Variants in GNB5 observed in about 807,000 individuals in gnomAD.
GNB5 encodes G protein subunit beta 5, also known as guanine nucleotide-binding protein subunit beta-5.
Under a neutral mutation model 55.3 loss-of-function variants are expected in GNB5, and 37 were observed. The ratio of observed to expected loss-of-function variants is 0.67; its 90% CI spans 0.51 to 0.88. The LOEUF (loss-of-function observed/expected upper bound fraction) is 0.88, where lower values mean the gene tolerates loss of function less well. GNB5 is among the 40% of genes least tolerant of loss of function. The pLI, the probability that GNB5 is intolerant of heterozygous loss-of-function variation, is 0.00. For synonymous variants in GNB5, 219 were observed against 198.5 expected (o/e 1.10, Z -0.87); for missense variants, 476 against 515.3 (o/e 0.92, Z 0.74).
intron 6 of GNB5, chr15:52,144,287 T>A (rs2033923051): frequency 6.6e-6 from 1 of 152,258 alleles, no homozygotes; most frequent in South Asian, 2.1e-4. Flanking sequence ...GTTATCATAT[T>A]CACTACACAT....
In GNB5 at chr15:52,121,551, A is replaced by T. The variant is rs1000680855; in HGVS notation, c.*1206T>A. The stretch of plus-strand genomic sequence containing the variant: ...GTAAGAGGAGCAGACGTTATTATTC[A>T]TGACTATCAATCAATCTGCATATGT... On this transcript the variant is annotated 3_prime_UTR_variant, in exon 13 of 13. Coordinates refer to ENST00000261837, the MANE Select transcript of GNB5 (RefSeq NM_016194.4). 1.3e-5 allele frequency: 2 copies of T among 152,146 alleles called. No homozygotes were observed. Among genetic ancestry groups the T allele is most frequent in the African/African-American group, 4.8e-5 (2 of 41,430 alleles). 9.4% of individuals were successfully genotyped at this position (152,146 alleles called of 1,614,324 possible). A position where few individuals can be genotyped will look rare whatever the true frequency, so the allele number is the denominator to read the frequency against.
chr15:52,137,928 C>A (rs146845755), intron 7 of GNB5: 2 of 1,287,008 alleles, frequency 1.6e-6, no homozygotes, highest in South Asian at 1.2e-5. Flanking sequence ...GAGCCCTTTG[C>A]GGATGATTAC....
chr15:52,146,468 T>C (rs2033978770), intron 6 of GNB5, among the ~76,000 whole-genome samples: 1 of 152,222 alleles, frequency 6.6e-6, no homozygotes, highest in African/African-American at 2.4e-5. Flanking sequence ...TTGAGAATTT[T>C]CCTTTTTAAT....
intron 3 of GNB5, among the ~76,000 whole-genome samples, chr15:52,169,161 T>C (rs2034505883): frequency 6.6e-6 from 1 of 151,932 alleles, no homozygotes. Context: ...CCGTCTCTAC[T>C]AAAAATACAA....
chr15:52,137,659 T>C (rs767490356), intron 7 of GNB5: 2 of 1,163,690 alleles, frequency 1.7e-6, no homozygotes, highest in Non-Finnish European at 2.2e-6. Flanking sequence ...TTTTTGTCAC[T>C]GCCAGTGTGT....
intron 3 of GNB5, among the ~76,000 whole-genome samples, chr15:52,161,137 G>A (rs954446171): frequency 6.6e-6 from 1 of 152,092 alleles, no homozygotes; most frequent in Admixed American, 6.6e-5. Flanking sequence ...AGAGGCTAAG[G>A]ACCTCATGCA....
intron 8 of GNB5, 120 bp downstream of exon 8, chr15:52,135,493 C>G (rs2033679654): frequency 1.1e-6 from 1 of 894,376 alleles, no homozygotes. Flanking sequence ...GAGTTGAGAA[C>G]AATTCCTGCA....
At chr15:52,147,803 G>T (rs957611290) in intron 5 of GNB5, among the ~76,000 whole-genome samples, 9 of 152,032 alleles carry the variant, frequency 5.9e-5, no homozygotes, top group Admixed American at 3.3e-4. Context: ...GGCTGGTCTC[G>T]AACTCCTGAC....
At chr15:52,179,411 C>T (rs950283287) in intron 3 of GNB5, among the ~76,000 whole-genome samples, 1 of 152,176 alleles carries the variant, frequency 6.6e-6, no homozygotes, top group East Asian at 1.9e-4. Context: ...GCCGCGCTCG[C>T]TCGTCACCAC....
chr15:52,179,980 C>T, intron 2 of GNB5, 101 bp from the exon 3 acceptor site: 10 of 1,319,782 alleles, frequency 7.6e-6, no homozygotes, highest in Non-Finnish European at 8.7e-6. Context: ...GAGCACCGCC[C>T]CGCGGCCCCG....
At chr15:52,123,450 A>G (rs1177414926) in intron 12 of GNB5, 2 of 151,998 alleles carry the variant, frequency 1.3e-5, no homozygotes, top group Non-Finnish European at 2.9e-5. Context: ...TGCCTTTGTC[A>G]TCCTCTTCTG....
chr15:52,120,752 A>G lies in GNB5; in HGVS notation c.*2005T>C, dbSNP rs1289058423. The G allele has an allele frequency of 6.6e-6, 1 of 152,198 alleles. No individual in the cohort carries two copies. The highest frequency in any genetic ancestry group is 1.5e-5 in the Non-Finnish European group (1 of 68,078). The allele number at this position is 152,198 out of a possible 1,614,324, so 9.4% of individuals were successfully genotyped here. ...CCCATGGTGCCCTGACCCCTTCAGC[A>G]CCTGGCAGGAGCTGGCCAGACACTG... is the stretch of plus-strand genomic sequence containing the variant. On this transcript the variant is annotated 3_prime_UTR_variant, in exon 13 of 13. Coordinates refer to ENST00000261837, the MANE Select transcript of GNB5 (RefSeq NM_016194.4).
chr15:52,125,854 A>G, intron 11 of GNB5, 94 bp downstream of exon 11: 1 of 659,988 alleles, frequency 1.5e-6, no homozygotes, highest in Non-Finnish European at 2.8e-6. Flanking sequence ...CAGGAAGCTC[A>G]GTTGATGAAA....
chr15:52,139,539 T>A (rs1203132505), intron 7 of GNB5: 1 of 205,548 alleles, frequency 4.9e-6, no homozygotes, highest in African/African-American at 2.3e-5. Context: ...ACATGAATCA[T>A]CTAATTTAAG....
Position 52,125,623 on chromosome 15 carries a change from C to T in GNB5, c.1009+325G>A, listed in dbSNP as rs76439602. On this transcript the variant is annotated intron_variant, in intron 11 of 12. Coordinates refer to ENST00000261837, the MANE Select transcript of GNB5 (RefSeq NM_016194.4). ...TCACCTCCACCTTACAGAAAAGTTCCCTTTGGGGCATGAAGAGAAGCAAAG... is the reference window on the plus strand; with the variant it reads ...TCACCTCCACCTTACAGAAAAGTTCTCTTTGGGGCATGAAGAGAAGCAAAG... 6.0e-3 allele frequency: 1,145 copies of T among 192,194 alleles called. 6 individuals are homozygous for T. Among genetic ancestry groups the T allele is most frequent in the Middle Eastern group, 0.014 (7 of 500 alleles). 11.9% of individuals were successfully genotyped at this position (192,194 alleles called of 1,614,324 possible).
intron 7 of GNB5, among the ~76,000 whole-genome samples, chr15:52,136,111 A>AAAAC (rs2033706571): frequency 1.3e-5 from 1 of 77,140 alleles, no homozygotes; most frequent in Non-Finnish European, 2.4e-5. Context: ...GGAAAAGCAG[A>AAAAC]AAACACACAC....
At chr15:52,143,450 C>A (rs1256310753) in intron 6 of GNB5, among the ~76,000 whole-genome samples, 1 of 152,184 alleles carries the variant, frequency 6.6e-6, no homozygotes, top group African/African-American at 2.4e-5. Context: ...CAGTATGACA[C>A]CTGGCCCAGT....
intron 12 of GNB5, among the ~76,000 whole-genome samples, chr15:52,123,242 C>T (rs2033320337): frequency 6.6e-6 from 1 of 152,188 alleles, no homozygotes; most frequent in Non-Finnish European, 1.5e-5. Flanking sequence ...TCAACTTACC[C>T]TCTTTAGAAA....
intron 6 of GNB5, among the ~76,000 whole-genome samples, chr15:52,141,559 G>A (rs1027267626): frequency 2.0e-5 from 3 of 151,008 alleles, no homozygotes; most frequent in Non-Finnish European, 4.4e-5. Flanking sequence ...GATTACAGGT[G>A]TAAGCCACTG....
Sources: allele counts gnomAD v4.1 joint callset (sites outside exome capture counted in the v4.1 genomes callset), GRCh38; gene constraint gnomAD v4.1.1; transcripts MANE v1.5; gene names NCBI Gene and HGNC (gene_info 2026-07-23, HGNC 2026-07-21).